PLPP3: variants seen among roughly 807,000 people sequenced by gnomAD.
PLPP3 encodes the protein PAP2 beta.
A neutral mutation model predicts 29.6 loss-of-function variants in PLPP3; 6 were observed. That is an observed-to-expected ratio of 0.20 (90% CI 0.11 to 0.40). The LOEUF is 0.40. PLPP3 is among the 10% of genes least tolerant of loss of function. The probability of loss-of-function intolerance (pLI) is 1.00; values close to 1 mark genes in which losing one functional copy is unlikely to be tolerated. For missense variants in PLPP3, 308 were observed against 407.7 expected, an observed-to-expected ratio of 0.76 and a Z score of 2.11; for synonymous variants, 152 against 159.7, an observed-to-expected ratio of 0.95 and a Z score of 0.36.
chr1:56,543,634 A>G (rs1021360854), intron 1 of PLPP3, among the ~76,000 whole-genome samples: 4 of 152,202 alleles, frequency 2.6e-5, no homozygotes, highest in African/African-American at 9.6e-5. Context: ...TTGGTTTACG[A>G]TATTTGTCCA....
chr1:56,575,833 G>C (rs1490029843), intron 1 of PLPP3, among the ~76,000 whole-genome samples: 1 of 152,116 alleles, frequency 6.6e-6, no homozygotes, highest in Admixed American at 6.5e-5. Context: ...GACAATAACT[G>C]TTCCTCCCTT....
intron 1 of PLPP3, among the ~76,000 whole-genome samples, chr1:56,565,618 A>G (rs1380194783): frequency 6.6e-6 from 1 of 152,004 alleles, no homozygotes; most frequent in African/African-American, 2.4e-5. Flanking sequence ...ACAGGGTTTC[A>G]CCATGTTGGC....
intron 1 of PLPP3, among the ~76,000 whole-genome samples, chr1:56,542,266 G>C (rs1645976134): frequency 6.6e-6 from 1 of 152,112 alleles, no homozygotes; most frequent in Non-Finnish European, 1.5e-5. Flanking sequence ...CACAGACTAA[G>C]TTTTTGTGGC....
intron 1 of PLPP3, among the ~76,000 whole-genome samples, chr1:56,559,044 T>A (rs1165983402): frequency 1.3e-5 from 2 of 152,168 alleles, no homozygotes; most frequent in Non-Finnish European, 2.9e-5. Flanking sequence ...AAGTGACTTG[T>A]TTAAGGTCAC....
rs397860682 is a variant in PLPP3 at position 56,560,832 on chromosome 1, C to CTT, written c.139+18044_139+18045dup. ...GGTTTTCCTCTCCCCATTCAGAGTC[C>CTT]TTTTTTTTTTTTTTTTTTTTTTTGA... is the stretch of plus-strand genomic sequence containing the variant. On this transcript the variant is annotated intron_variant, in intron 1 of 5. Coordinates refer to ENST00000371250, the MANE Select transcript of PLPP3 (RefSeq NM_003713.5). 6.0e-3 allele frequency among the ~76,000 whole-genome samples: 532 copies of CTT among 89,318 alleles called. 2 individuals are homozygous for CTT. The highest frequency in any genetic ancestry group is 0.01 in the African/African-American group (249 of 24,530). The allele number at this position is 89,318 out of a possible 152,430, so 58.6% of individuals were successfully genotyped here. A position where few individuals can be genotyped will look rare whatever the true frequency, so the allele number is the denominator to read the frequency against.
intron 5 of PLPP3, among the ~76,000 whole-genome samples, chr1:56,501,813 G>A (rs1280756642): frequency 6.6e-6 from 1 of 152,208 alleles, no homozygotes; most frequent in Admixed American, 6.5e-5. Flanking sequence ...AAGAGTGGTT[G>A]AGACTATGAA....
chr1:56,515,279 C>A (rs1270364072), intron 4 of PLPP3, among the ~76,000 whole-genome samples: 1 of 152,170 alleles, frequency 6.6e-6, no homozygotes, highest in Non-Finnish European at 1.5e-5. Context: ...TTTGGAGTGG[C>A]AAGATTTTCT....
intron 5 of PLPP3, among the ~76,000 whole-genome samples, chr1:56,503,080 G>A (rs1645678962): frequency 6.6e-6 from 1 of 152,064 alleles, no homozygotes; most frequent in Non-Finnish European, 1.5e-5. Context: ...ATCTTTGGCA[G>A]CCGTTTTTTT....
At chr1:56,571,391 T>TA (rs1646197358) in intron 1 of PLPP3, among the ~76,000 whole-genome samples, 3 of 152,190 alleles carry the variant, frequency 2.0e-5, no homozygotes, top group Non-Finnish European at 4.4e-5. Context: ...TAAACTTGCT[T>TA]AAGCTTCTAT....
At chr1:56,498,940 C>T (rs1293208593) in intron 5 of PLPP3, among the ~76,000 whole-genome samples, 1 of 152,136 alleles carries the variant, frequency 6.6e-6, no homozygotes, top group African/African-American at 2.4e-5. Flanking sequence ...CCCATCACTA[C>T]TTTTAACTTC....
intron 4 of PLPP3, 57 bp downstream of exon 4, chr1:56,523,766 T>A (rs1170428139): frequency 1.9e-6 from 3 of 1,544,284 alleles, no homozygotes; most frequent in African/African-American, 1.4e-5. Context: ...GGCTATCATA[T>A]CAGAAGGGAT....
At chr1:56,537,336 C>A (rs1222877525) in intron 1 of PLPP3, among the ~76,000 whole-genome samples, 1 of 152,134 alleles carries the variant, frequency 6.6e-6, no homozygotes, top group Admixed American at 6.5e-5. Context: ...GCATTATCCT[C>A]TTCTCTTCCC....
chr1:56,497,748 T>A (rs1645639615), intron 5 of PLPP3, among the ~76,000 whole-genome samples: 1 of 152,188 alleles, frequency 6.6e-6, no homozygotes, highest in African/African-American at 2.4e-5. Flanking sequence ...CTTAATAAGA[T>A]TTTACCAAAA....
At chr1:56,507,107 G>A (rs1375014076) in intron 5 of PLPP3, among the ~76,000 whole-genome samples, 1 of 152,200 alleles carries the variant, frequency 6.6e-6, no homozygotes, top group Non-Finnish European at 1.5e-5. Context: ...TGTGATTTTT[G>A]TCTAGACAAG....
At chr1:56,578,778 G>C (rs137975393) in intron 1 of PLPP3, 100 bp downstream of exon 1, 218 of 1,211,498 alleles carry the variant, frequency 1.8e-4, no homozygotes, top group Non-Finnish European at 2.1e-4. Context: ...CGGAGCTGAC[G>C]GCGCGGCGCG....
intron 1 of PLPP3, among the ~76,000 whole-genome samples, chr1:56,538,272 T>C (rs1645941562): frequency 6.6e-6 from 1 of 152,196 alleles, no homozygotes; most frequent in Non-Finnish European, 1.5e-5. Flanking sequence ...TGTGGATTCA[T>C]GCTATTCTCT....
At chr1:56,552,273 C>T (rs1434869297) in intron 1 of PLPP3, among the ~76,000 whole-genome samples, 3 of 151,496 alleles carry the variant, frequency 2.0e-5, no homozygotes, top group Non-Finnish European at 4.4e-5. Context: ...TAGACTGATT[C>T]CGGGCCCTGC....
chr1:56,530,926 C>T (rs764570511), intron 2 of PLPP3, among the ~76,000 whole-genome samples: 2 of 152,300 alleles, frequency 1.3e-5, no homozygotes, highest in African/African-American at 4.8e-5. Context: ...AGGTCAGGTT[C>T]TCTGACGAAA....
In PLPP3 at chr1:56,524,601, T is replaced by C; in HGVS notation, c.298-47A>G. On this transcript the variant is annotated intron_variant, in intron 2 of 5. Coordinates refer to ENST00000371250, the MANE Select transcript of PLPP3 (RefSeq NM_003713.5). The surrounding 1 kb of genome is among the most constrained non-coding windows in gnomAD (Gnocchi z 4.3). Reference sequence around the variant, plus strand: ...AATTAGGCAGTATCAAGATTCATCATCAACACTGATGCCGTAACGGATATT... The same window carrying C: ...AATTAGGCAGTATCAAGATTCATCACCAACACTGATGCCGTAACGGATATT... 3.8e-6 allele frequency: 6 copies of C among 1,570,834 alleles called. No individual in the cohort carries two copies. In the South Asian group the frequency reaches 5.6e-5, roughly 15 times the overall value.
Sources: gnomAD v4.1 joint callset for allele counts (sites outside exome capture counted in the v4.1 genomes callset) on GRCh38, gnomAD v4.1.1 for gene constraint, Gnocchi (gnomAD v3.1) non-coding constraint, MANE v1.5 for transcripts, NCBI Gene and HGNC (gene_info 2026-07-23, HGNC 2026-07-21) for gene names.